DIP2C: variants seen among roughly 807,000 people sequenced by gnomAD.
The protein encoded by DIP2C is DIP2 acetate--CoA ligase C (putative), also known as disco-interacting protein 2 homolog C.
DIP2C carries 33 observed loss-of-function variants against 192.4 expected under a neutral mutation model. The ratio of observed to expected loss-of-function variants is 0.17; its 90% CI spans 0.13 to 0.23. The LOEUF (loss-of-function observed/expected upper bound fraction) is 0.23. Among genes scored for constraint, DIP2C ranks in the 10% least tolerant of loss-of-function variants. The pLI, the probability that DIP2C is intolerant of heterozygous loss-of-function variation, is 1.00. For missense variants in DIP2C, 1,537 were observed against 2,110.1 expected (o/e 0.73, Z 5.32); for synonymous variants, 979 against 864.1 (o/e 1.13, Z -2.33).
chr10:643,678 T>C (rs1173107438), intron 1 of DIP2C, among the ~76,000 whole-genome samples: 2 of 152,184 alleles, frequency 1.3e-5, no homozygotes, highest in Non-Finnish European at 2.9e-5. Flanking sequence ...TCCCTAACCC[T>C]CGTTATGTCC....
chr10:305,793 T>C (rs1249853062), intron 32 of DIP2C, among the ~76,000 whole-genome samples: 1 of 152,048 alleles, frequency 6.6e-6, no homozygotes. Context: ...TATAGGCACA[T>C]GCCACCACAC....
At chr10:619,533 G>A (rs866517387) in intron 1 of DIP2C, among the ~76,000 whole-genome samples, 7 of 38,766 alleles carry the variant, frequency 1.8e-4, no homozygotes, top group African/African-American at 7.1e-4. Flanking sequence ...GACCAAGCCC[G>A]CCCGCCCGCC....
chr10:288,277 TAA>T, intron 33 of DIP2C, 85 bp downstream of exon 33: 1 of 1,312,582 alleles, frequency 7.6e-7, no homozygotes, highest in African/African-American at 1.5e-5. Flanking sequence ...AAAAACATTC[TAA>T]AAAATACATT....
At chr10:480,919 A>G (rs1322927146) in intron 2 of DIP2C, among the ~76,000 whole-genome samples, 4 of 152,136 alleles carry the variant, frequency 2.6e-5, no homozygotes, top group Admixed American at 6.5e-5. Flanking sequence ...CCATCTGGAC[A>G]CCCACGTTTC....
At chr10:381,539 G>A (rs1389425128) in intron 17 of DIP2C, among the ~76,000 whole-genome samples, 4 of 152,168 alleles carry the variant, frequency 2.6e-5, no homozygotes, top group Non-Finnish European at 2.9e-5. Context: ...ATGGTGGGCC[G>A]TGTCCAGAGA....
chr10:554,717 C>T (rs971578931), intron 1 of DIP2C, among the ~76,000 whole-genome samples: 1 of 152,184 alleles, frequency 6.6e-6, no homozygotes, highest in Non-Finnish European at 1.5e-5. Context: ...GATTCTGCAC[C>T]CCATGTGAGA....
chr10:592,576 G>C (rs1316895857), intron 1 of DIP2C, among the ~76,000 whole-genome samples: 1 of 152,118 alleles, frequency 6.6e-6, no homozygotes, highest in Non-Finnish European at 1.5e-5. Context: ...TCGATTACAG[G>C]TGTCTGCTTA....
intron 4 of DIP2C, among the ~76,000 whole-genome samples, chr10:435,098 T>C (rs1967069175): frequency 6.6e-6 from 1 of 152,234 alleles, no homozygotes. Flanking sequence ...ATTCTTCTCC[T>C]TGTATTACCG....
chr10:444,562 G>A (rs997967318), intron 3 of DIP2C, among the ~76,000 whole-genome samples: 6 of 148,412 alleles, frequency 4.0e-5, no homozygotes, highest in African/African-American at 7.5e-5. Context: ...ATTCTCCACC[G>A]TCACATGGAG....
At chr10:424,388 CAG>C (rs1337365697) in intron 4 of DIP2C, among the ~76,000 whole-genome samples, 7 of 96,744 alleles carry the variant, frequency 7.2e-5, no homozygotes, top group Admixed American at 1.6e-4. Flanking sequence ...TTTTTTGAGA[CAG>C]AGTCTTCCTC....
chr10:329,552 T>C lies in DIP2C; in HGVS notation c.3634A>G (p.Thr1212Ala), dbSNP rs951194420. 5 of 1,613,976 alleles carry C rather than the reference T, an allele frequency of 3.1e-6. No homozygotes were observed. In the African/African-American group the frequency reaches 5.3e-5, roughly 17 times the overall value. The change falls in exon 30 of 37, where the codon ACC becomes GCC. Residue 1212 changes from threonine to alanine, a missense_variant. Around this residue, in one of 4 missense-constraint regions of DIP2C, gnomAD observed 341 missense variants for 551.7 expected, o/e 0.62. Transcript: ENST00000280886. ...SILIPPSELE[T>A]NPALWLLAVS... is the part of the protein sequence containing the mutation. ...GCAAGAAGCCACAAGGCGGGGTTGG[T>C]TTCCAGCTCAGAGGGCGGGATCAGG...
Position 281,319 on chromosome 10 carries a change from G to A in DIP2C, c.4299C>T (p.Arg1433=), listed in dbSNP as rs376650037. ...RTELTDANGE[R]HDALYVVGAL... ...CCCCTACCACGTAGAGGGCATCATG[G>A]CGCTCTGTGGAGTAATGACAGCCTG... Residue 1433 remains arginine, a synonymous_variant, in exon 36 of 37, where the codon CGC becomes CGT. Coordinates refer to ENST00000280886, the MANE Select transcript of DIP2C (RefSeq NM_014974.3). 54 of 1,610,470 alleles carry A rather than the reference G, an allele frequency of 3.4e-5. No individual in the cohort carries two copies. The highest frequency in any genetic ancestry group is 4.5e-5 in the Non-Finnish European group (53 of 1,177,064).
intron 1 of DIP2C, among the ~76,000 whole-genome samples, chr10:578,134 C>T (rs190298908): frequency 1.3e-3 from 198 of 152,288 alleles, no homozygotes; most frequent in Non-Finnish European, 2.0e-3. Flanking sequence ...GCTCTCTATT[C>T]TTCTTTTATC....
intron 3 of DIP2C, chr10:441,227 C>G (rs1967699654): frequency 2.0e-6 from 1 of 501,934 alleles, no homozygotes; most frequent in Non-Finnish European, 3.4e-6. Flanking sequence ...CATAAGCAAA[C>G]ACTGGCTGTA....
At position 689,553 on chromosome 10, in the gene DIP2C, A is replaced by T; in HGVS notation, c.26T>A (p.Met9Lys). 1 of 1,276,442 alleles carries T rather than the reference A, an allele frequency of 7.8e-7. No individual in the cohort carries two copies. The highest frequency in any genetic ancestry group is 1.0e-6 in the Non-Finnish European group (1 of 994,686). The allele number at this position is 1,276,442 out of a possible 1,614,324, so 79.1% of individuals were successfully genotyped here. Residue 9 changes from methionine to lysine, a missense_variant, in exon 1 of 37, where the codon ATG becomes AAG. Physicochemically the swap from Met to Lys is moderately conservative, Grantham distance 95. Around this residue, in one of 4 missense-constraint regions of DIP2C, gnomAD observed 473 missense variants for 539.6 expected, o/e 0.88. Transcript: ENST00000280886. This position sits in a 1 kb window ranked among gnomAD's most constrained non-coding sequence, Gnocchi z 6.1. Reference protein sequence around the residue: MADRSLEGMALPLEVRARL... With the variant: MADRSLEGKALPLEVRARL... ...CGCCCGCACCTCCAGGGGCAGCGCC[A>T]TGCCCTCCAGGCTGCGGTCCGCCAT...
intron 32 of DIP2C, among the ~76,000 whole-genome samples, chr10:289,699 C>G (rs1479074860): frequency 1.3e-5 from 2 of 152,176 alleles, no homozygotes; most frequent in Admixed American, 6.5e-5. Context: ...AAGAAAGAAG[C>G]CTGAGTGTCT....
intron 10 of DIP2C, 106 bp from the exon 11 acceptor site, chr10:390,969 A>G: frequency 6.7e-7 from 1 of 1,494,110 alleles, no homozygotes; most frequent in Non-Finnish European, 9.0e-7. Flanking sequence ...CTGCAGAACC[A>G]GGATCCAACC....
chr10:515,418 A>C (rs1220579039), intron 1 of DIP2C, among the ~76,000 whole-genome samples: 1 of 152,192 alleles, frequency 6.6e-6, no homozygotes, highest in Non-Finnish European at 1.5e-5. Context: ...TCATGAAGGC[A>C]GATTTAAAAG....
At chr10:376,510 G>A (rs75430022) in intron 17 of DIP2C, among the ~76,000 whole-genome samples, 2 of 151,336 alleles carry the variant, frequency 1.3e-5, no homozygotes, top group South Asian at 4.2e-4. Flanking sequence ...GGGTTGGGAG[G>A]GGGGGTCTTC....
Sources: allele counts gnomAD v4.1 joint callset (sites outside exome capture counted in the v4.1 genomes callset), GRCh38; gene constraint gnomAD v4.1.1; regional missense constraint gnomAD v4.1.1; non-coding constraint Gnocchi (gnomAD v3.1); transcripts MANE v1.5; gene names NCBI Gene and HGNC (gene_info 2026-07-23, HGNC 2026-07-21).